The following PDE6B variants were observed in gnomAD, a reference collection of about 807,000 sequenced individuals.
PDE6B encodes phosphodiesterase 6B.
PDE6B carries 106 observed loss-of-function variants against 109.0 expected under a neutral mutation model. The ratio of observed to expected loss-of-function variants is 0.97; its 90% CI spans 0.83 to 1.14. The LOEUF (loss-of-function observed/expected upper bound fraction) is 1.14. Ranked by LOEUF, PDE6B falls within the 50% of genes most tolerant of loss-of-function variation. The pLI is 0.00. For missense variants in PDE6B, 1,193 were observed against 1,155.6 expected, an observed-to-expected ratio of 1.03 and a Z score of -0.47; for synonymous variants, 490 against 471.3, an observed-to-expected ratio of 1.04 and a Z score of -0.51.
chr4:632,828 G>A (rs1360581876), intron 1 of PDE6B, among the ~76,000 whole-genome samples: 1 of 152,174 alleles, frequency 6.6e-6, no homozygotes, highest in Non-Finnish European at 1.5e-5. Flanking sequence ...GATCTGTGTG[G>A]TGCCGTCTGA....
rs1277681238 is a variant in PDE6B at position 669,472 on chromosome 4, A to G, written c.2504-574A>G. Among the ~76,000 whole-genome samples the G allele has an allele frequency of 6.1e-4, 52 of 84,932 alleles. No individual in the cohort carries two copies. The East Asian group carries it at 1.0e-2, about 16-fold the overall frequency. 55.7% of individuals were successfully genotyped at this position (84,932 alleles called of 152,430 possible). On this transcript the variant is annotated intron_variant, in intron 21 of 21. Transcript: ENST00000496514. The stretch of plus-strand genomic sequence containing the variant: ...ATTCCCACTACCCCATGCTATTCCC[A>G]CTACGCCATGCTATTCCCGCTACCC...
intron 5 of PDE6B, 84 bp downstream of exon 5, chr4:654,238 A>AGGGGTGGGGTTTAGG (rs764789272): frequency 2.9e-6 from 3 of 1,025,096 alleles, no homozygotes; most frequent in South Asian, 2.6e-5. Context: ...AGGGAGGGAT[A>AGGGGTGGGGTTTAGG]GGGGTGGGGT....
rs902759267 is a variant in PDE6B, at chr4:626,488, G to C, written c.468+394G>C. Among the ~76,000 whole-genome samples, 1 of 152,250 alleles carries C rather than the reference G, an allele frequency of 6.6e-6. No homozygotes were observed. The highest frequency in any genetic ancestry group is 2.4e-5 in the African/African-American group (1 of 41,468). On this transcript the variant is annotated intron_variant, in intron 1 of 21. Coordinates refer to ENST00000496514, the MANE Select transcript of PDE6B (RefSeq NM_000283.4). The surrounding 1 kb of genome is among the most constrained non-coding windows in gnomAD (Gnocchi z 4.6). The stretch of plus-strand genomic sequence containing the variant: ...AGATGGGGGCTTCAGGGCTCTCTGG[G>C]CTGGGAGGGAGGCCCTGCCTTGGGA...
intron 5 of PDE6B, 167 bp from the exon 6 acceptor site, chr4:654,657 C>T (rs939373050): frequency 5.5e-6 from 4 of 725,194 alleles, no homozygotes; most frequent in Non-Finnish European, 5.1e-6. Context: ...TCGTAGAATA[C>T]CTGCGCACGG....
At chr4:639,621 C>T (rs1734853153) in intron 3 of PDE6B, among the ~76,000 whole-genome samples, 1 of 152,208 alleles carries the variant, frequency 6.6e-6, no homozygotes, top group South Asian at 2.1e-4. Flanking sequence ...GAACTGGAAA[C>T]TGTCAAGGGT....
chr4:655,183 G>A (rs1736072140), intron 6 of PDE6B: 2 of 488,506 alleles, frequency 4.1e-6, no homozygotes, highest in East Asian at 3.8e-5. Flanking sequence ...TGTCCAGGCG[G>A]CCTCGTCAGC....
At position 661,993 on chromosome 4, in the gene PDE6B, G is replaced by A. The variant is rs187617843; in HGVS notation, c.1615-141G>A. ...AGAGGCCAGTGGGAAACGCAGGGATGGGGAAGATCGGGAAGTCCAGGAGAC... is the reference window on the plus strand; with the variant it reads ...AGAGGCCAGTGGGAAACGCAGGGATAGGGAAGATCGGGAAGTCCAGGAGAC... On this transcript the variant is annotated intron_variant, in intron 12 of 21. Transcript: ENST00000496514. 8.9e-3 allele frequency: 6,082 copies of A among 682,356 alleles called. 50 individuals carry two copies. Among genetic ancestry groups the A allele is most frequent in the Non-Finnish European group, 0.013 (4,853 of 372,992 alleles). The allele number at this position is 682,356 out of a possible 1,614,324, so 42.3% of individuals were successfully genotyped here. A position where few individuals can be genotyped will look rare whatever the true frequency, so the allele number is the denominator to read the frequency against.
In PDE6B at chr4:670,430, A is replaced by T. The variant is rs535576115; in HGVS notation, c.*323A>T. 2 of 331,266 alleles carry T rather than the reference A, an allele frequency of 6.0e-6. No individual in the cohort carries two copies. Among genetic ancestry groups the T allele is most frequent in the Admixed American group, 9.2e-5 (2 of 21,794 alleles). 20.5% of individuals were successfully genotyped at this position (331,266 alleles called of 1,614,324 possible). A position where few individuals can be genotyped will look rare whatever the true frequency, so the allele number is the denominator to read the frequency against. On this transcript the variant is annotated 3_prime_UTR_variant, in exon 22 of 22. Coordinates refer to ENST00000496514, the MANE Select transcript of PDE6B (RefSeq NM_000283.4). The stretch of plus-strand genomic sequence containing the variant: ...GCTAATTTTTGTATTTTCAGTACAG[A>T]TGGGGTTTCACCATATTGGGCAGGC...
In PDE6B at chr4:660,534, C is replaced by G. The variant is rs1367624576; in HGVS notation, c.1535C>G (p.Thr512Ser). 1 of 1,613,502 alleles carries G rather than the reference C, an allele frequency of 6.2e-7. No homozygotes were observed. The highest frequency in any genetic ancestry group is 8.5e-7 in the Non-Finnish European group (1 of 1,179,572). Residue 512 changes from threonine (T) to serine (S), a missense_variant, in exon 12 of 22, where the codon ACC becomes AGC. By Grantham distance (58) the Thr-to-Ser change is moderately conservative. Coordinates refer to ENST00000496514, the MANE Select transcript of PDE6B (RefSeq NM_000283.4). ...YEFHFSDLEC[T>S]ELDLVKCGIQ... Reference sequence around the variant, plus strand: ...TTCCACTTCTCTGACCTGGAGTGCACCGAACTGGACCTGGTCAAATGTGGC... The same window carrying G: ...TTCCACTTCTCTGACCTGGAGTGCAGCGAACTGGACCTGGTCAAATGTGGC...
At position 664,689 on chromosome 4, in the gene PDE6B, G is replaced by A. The variant is rs577299702; in HGVS notation, c.2130-192G>A. On this transcript the variant is annotated intron_variant, in intron 17 of 21. Coordinates refer to ENST00000496514, the MANE Select transcript of PDE6B (RefSeq NM_000283.4). ...AAATTAGCCGGGCGTGGTGGCGGGC[G>A]CCTGTAATCCCAGCTACTCGGGAGG... Among the ~76,000 whole-genome samples, 13 of 152,270 alleles carry A rather than the reference G, an allele frequency of 8.5e-5. No homozygotes were observed. The East Asian group carries it at 9.7e-4, about 11-fold the overall frequency.
chr4:628,942 G>A (rs1734248382), intron 1 of PDE6B, among the ~76,000 whole-genome samples: 1 of 152,250 alleles, frequency 6.6e-6, no homozygotes, highest in Non-Finnish European at 1.5e-5. Flanking sequence ...GGCCCTGCCG[G>A]GACTCAGGAC....
intron 11 of PDE6B, among the ~76,000 whole-genome samples, chr4:659,574 T>C (rs562367311): frequency 2.0e-5 from 3 of 150,036 alleles, no homozygotes; most frequent in African/African-American, 7.5e-5. Flanking sequence ...CACATGTGGG[T>C]GTGTGTGTGC....
chr4:654,968 T>A, intron 6 of PDE6B, 80 bp downstream of exon 6: 1 of 861,358 alleles, frequency 1.2e-6, no homozygotes, highest in Non-Finnish European at 2.0e-6. Context: ...AGGGCCGTCC[T>A]CCCAGGGCTT....
rs377200859 is a variant in PDE6B, at chr4:654,092, G to C, written c.865G>C (p.Val289Leu). ...CTTCTCTGCCCAGGAATTTTTTGAC[G>C]TGTGGTCTGTGCTGATGGGAGAGTC... ...DMTKEKEFFD[V>L]WSVLMGESQP... The change falls in exon 5 of 22, where the codon GTG becomes CTG. Residue 289 changes from valine (V) to leucine (L), a missense_variant. Transcript: ENST00000496514. 2 of 1,613,740 alleles carry C rather than the reference G, an allele frequency of 1.2e-6. No homozygotes were observed. Among genetic ancestry groups the C allele is most frequent in the South Asian group, 1.1e-5 (1 of 91,086 alleles).
At chr4:664,645 G>A (rs1029184678) in intron 17 of PDE6B, among the ~76,000 whole-genome samples, 1 of 152,048 alleles carries the variant, frequency 6.6e-6, no homozygotes, top group Non-Finnish European at 1.5e-5. Flanking sequence ...GTGAAACCCC[G>A]TCTCTACCGA....
In PDE6B at chr4:670,054, G is replaced by A. The variant is rs751311259; in HGVS notation, c.2512G>A (p.Glu838Lys). ...TCTGTCTTCTCTTGCAGTAGGCACAGAAATTTGCAATGGCGGCCCAGCACC... is the reference window on the plus strand; with the variant it reads ...TCTGTCTTCTCTTGCAGTAGGCACAAAAATTTGCAATGGCGGCCCAGCACC... ...ERVAAKKVGT[E>K]ICNGGPAPKS... The change falls in exon 22 of 22, where the codon GAA (glutamate) becomes AAA (lysine). Residue 838 changes from glutamate to lysine, a missense_variant. Transcript: ENST00000496514. 1 of 1,613,038 alleles carries A rather than the reference G, an allele frequency of 6.2e-7. No individual in the cohort carries two copies. The highest frequency in any genetic ancestry group is 1.7e-5 in the Admixed American group (1 of 60,004).
In PDE6B at chr4:655,448, G is replaced by A. The variant is rs939916187; in HGVS notation, c.993-492G>A. On this transcript the variant is annotated intron_variant, in intron 6 of 21. Transcript: ENST00000496514. Reference sequence around the variant, plus strand: ...GAACCAGGATCCAGGTGCCAGGCTTGAGCACAAGTCAGGGTCAGGGTGGCA... The same window carrying A: ...GAACCAGGATCCAGGTGCCAGGCTTAAGCACAAGTCAGGGTCAGGGTGGCA... 9.6e-5 allele frequency: 28 copies of A among 290,570 alleles called. 1 individual carries two copies. Among genetic ancestry groups the A allele is most frequent in the South Asian group, 9.3e-4 (26 of 27,820 alleles). The allele number at this position is 290,570 out of a possible 1,614,324, so 18.0% of individuals were successfully genotyped here.
At position 634,672 on chromosome 4, in the gene PDE6B, G is replaced by A. The variant is rs530695084; in HGVS notation, c.469-5G>A. On this transcript the variant is annotated splice_polypyrimidine_tract_variant and splice_region_variant and intron_variant, in intron 1 of 21. Coordinates refer to ENST00000496514, the MANE Select transcript of PDE6B (RefSeq NM_000283.4). Reference sequence around the variant, plus strand: ...CTCTTTAGCCTCTTTCCTCTCTTGCGGCAGTGCCCTCACTTCAGCTCATTT... The same window carrying A: ...CTCTTTAGCCTCTTTCCTCTCTTGCAGCAGTGCCCTCACTTCAGCTCATTT... 42 of 1,611,476 alleles carry A rather than the reference G, an allele frequency of 2.6e-5. No individual in the cohort carries two copies. The highest frequency in any genetic ancestry group is 6.7e-5 in the African/African-American group (5 of 74,844).
intron 9 of PDE6B, 88 bp downstream of exon 9, chr4:657,111 C>T (rs1006932438): frequency 1.0e-5 from 14 of 1,373,612 alleles, no homozygotes; most frequent in South Asian, 5.8e-5. Context: ...GCCAAGCATT[C>T]GGCTGTGTGC....
Sources: gnomAD v4.1 joint callset for allele counts (sites outside exome capture counted in the v4.1 genomes callset) on GRCh38, gnomAD v4.1.1 for gene constraint, Gnocchi (gnomAD v3.1) non-coding constraint, MANE v1.5 for transcripts, NCBI Gene and HGNC (gene_info 2026-07-23, HGNC 2026-07-21) for gene names.